The following INPP5B variants were observed in gnomAD, a reference collection of about 807,000 sequenced individuals.
INPP5B encodes inositol polyphosphate-5-phosphatase B.
INPP5B carries 90 observed loss-of-function variants against 118.5 expected under a neutral mutation model. The observed-to-expected ratio is 0.76, with a 90% CI of 0.64 to 0.90. INPP5B has a LOEUF of 0.90. Among genes scored for constraint, INPP5B ranks in the 40% least tolerant of loss-of-function variants. The pLI, the probability that INPP5B is intolerant of heterozygous loss-of-function variation, is 0.00. For synonymous variants in INPP5B, 385 were observed against 418.9 expected (o/e 0.92, Z 0.99); for missense variants, 984 against 1,125.6 (o/e 0.87, Z 1.80).
Position 37,885,676 on chromosome 1 carries a change from A to C in INPP5B, c.1281T>G (p.Pro427=). The change falls in exon 13 of 24, where the codon CCT becomes CCG. Residue 427 remains proline (P), a synonymous_variant. Transcript: ENST00000373024. ...DICSRMQFCQ[P]DPSLPPLTIS... is the part of the protein sequence containing the mutation. ...TGGTGAGAGGGGGAAGGCTTGGGTC[A>C]GGCTGACAAAACTGCATTCGAGAAC... The C allele has an allele frequency of 6.8e-6, 11 of 1,614,102 alleles. No homozygotes were observed. Among genetic ancestry groups the C allele is most frequent in the Non-Finnish European group, 9.3e-6 (11 of 1,180,018 alleles).
chr1:37,906,455 CT>C (rs1272014291), intron 7 of INPP5B, among the ~76,000 whole-genome samples: 1 of 152,194 alleles, frequency 6.6e-6, no homozygotes, highest in Non-Finnish European at 1.5e-5. Context: ...TCTTGCTGCA[CT>C]TTATACAAAT....
chr1:37,946,173 GAT>G (rs1454039384), intron 2 of INPP5B, 77 bp downstream of exon 2: 52 of 1,347,388 alleles, frequency 3.9e-5, no homozygotes, highest in Middle Eastern at 1.8e-4. Context: ...CAGGAGAGGG[GAT>G]AGACACCTCG....
At chr1:37,882,557 AT>A (rs1481142862) in intron 14 of INPP5B, among the ~76,000 whole-genome samples, 2 of 152,200 alleles carry the variant, frequency 1.3e-5, no homozygotes, top group Non-Finnish European at 2.9e-5. Flanking sequence ...GAATAAATGA[AT>A]GACAAGGTGA....
rs561395812 is a variant in INPP5B, at chr1:37,894,857, T to C, written c.533-3403A>G. 3.3e-5 allele frequency among the ~76,000 whole-genome samples: 5 copies of C among 152,322 alleles called. No individual in the cohort carries two copies. The East Asian group carries it at 7.7e-4, about 23-fold the overall frequency. On this transcript the variant is annotated intron_variant, in intron 7 of 23. Coordinates refer to ENST00000373024, the MANE Select transcript of INPP5B (RefSeq NM_005540.3). ...ATACCCGGCCCCTGTGTGCCTTATA[T>C]GTTTAAATACGTAACATCCAAGTTC... is the stretch of plus-strand genomic sequence containing the variant.
chr1:37,876,552 TAAAAAAAAAAAA>T (rs34854182), intron 16 of INPP5B, among the ~76,000 whole-genome samples: 15 of 54,590 alleles, frequency 2.7e-4, no homozygotes, highest in African/African-American at 1.3e-3. Context: ...GCTGTCTCTT[TAAAAAAAAAAAA>T]AAAAAAAAAA....
intron 6 of INPP5B, among the ~76,000 whole-genome samples, chr1:37,938,642 AG>A (rs1645795917): frequency 6.6e-6 from 1 of 152,232 alleles, no homozygotes. Context: ...ATAGCTTCAA[AG>A]CCCAGGCTCT....
At chr1:37,866,319 C>T in intron 21 of INPP5B, 140 bp downstream of exon 21, 1 of 593,620 alleles carries the variant, frequency 1.7e-6, no homozygotes, top group Non-Finnish European at 3.0e-6. Context: ...AACATGGTAG[C>T]TGAGGATACA....
rs1192235549 is a variant in INPP5B, at chr1:37,907,767, G to A, written c.533-16313C>T. ...GACAATTTACAAATGCCACGGTAAT[G>A]TCAGGAAGTTACCCTATATGGTCTA... On this transcript the variant is annotated intron_variant, in intron 7 of 23. Coordinates refer to ENST00000373024, the MANE Select transcript of INPP5B (RefSeq NM_005540.3). This position sits in a 1 kb window ranked among gnomAD's most constrained non-coding sequence, Gnocchi z 4.3. 6.6e-6 allele frequency among the ~76,000 whole-genome samples: 1 copy of A among 152,176 alleles called. No homozygotes were observed. Among genetic ancestry groups the A allele is most frequent in the African/African-American group, 2.4e-5 (1 of 41,440 alleles).
At chr1:37,905,632 T>C (rs1407538801) in intron 7 of INPP5B, among the ~76,000 whole-genome samples, 1 of 152,248 alleles carries the variant, frequency 6.6e-6, no homozygotes, top group Non-Finnish European at 1.5e-5. Context: ...CTTGTTTTAA[T>C]CCTCTTTCAA....
intron 15 of INPP5B, among the ~76,000 whole-genome samples, chr1:37,878,671 A>G (rs903170651): frequency 1.3e-5 from 2 of 151,866 alleles, no homozygotes; most frequent in African/African-American, 4.8e-5. Context: ...TTTTATAGAG[A>G]TGGAGTCTTG....
At chr1:37,925,398 G>A (rs1471522) in intron 7 of INPP5B, among the ~76,000 whole-genome samples, 61,699 of 151,786 alleles carry the variant, frequency 0.41, 14,282 homozygotes, top group African/African-American at 0.64. Flanking sequence ...CTGTTAGAGC[G>A]TAATTTATTT....
intron 7 of INPP5B, among the ~76,000 whole-genome samples, chr1:37,894,809 T>A (rs1405996204): frequency 6.6e-6 from 1 of 152,204 alleles, no homozygotes; most frequent in Non-Finnish European, 1.5e-5. Context: ...CTCCCAGTGC[T>A]GGGATTACGG....
rs759804148 is a variant in INPP5B, at chr1:37,878,266, G to A, written c.1599C>T (p.Ile533=). 2 of 1,614,154 alleles carry A rather than the reference G, an allele frequency of 1.2e-6. No homozygotes were observed. The highest frequency in any genetic ancestry group is 1.3e-5 in the African/African-American group (1 of 75,040). The change falls in exon 16 of 24, where the codon ATC becomes ATT. Residue 533 remains isoleucine (I), a synonymous_variant. Transcript: ENST00000373024. ...CDRILWKGKN[I]TQLSYQSHMA... ...TGTGGCTCTGGTAACTCAGCTGAGT[G>A]ATGTTCTTCCCTTTCCAGAGAATCC...
intron 20 of INPP5B, among the ~76,000 whole-genome samples, chr1:37,867,061 G>A (rs568853981): frequency 7.9e-5 from 12 of 152,220 alleles, no homozygotes; most frequent in Admixed American, 1.3e-4. Context: ...GTGAAACCCC[G>A]TCTTTAATAA....
Position 37,864,421 on chromosome 1 carries a change from G to T in INPP5B, c.2517C>A (p.Val839=). 6.3e-7 allele frequency: 1 copy of T among 1,577,016 alleles called. No homozygotes were observed. The change falls in exon 23 of 24, where the codon GTC becomes GTA. Residue 839 remains valine (V), a splice_region_variant and synonymous_variant. Transcript: ENST00000373024. ...CSGNYTASKQ[V]ISTLPIFHKN... is the part of the protein sequence containing the mutation. ...TGTGGAATATGGGGAGAGTAGAAAT[G>T]ACCTGAAAGAGGAAGAACCGGGATT...
chr1:37,862,526 C>T (rs2148435457), intron 23 of INPP5B, 96 bp from the exon 24 acceptor site: 1 of 781,262 alleles, frequency 1.3e-6, no homozygotes, highest in East Asian at 2.5e-5. Flanking sequence ...AGAAATGTGT[C>T]ATTAGGTGAT....
At chr1:37,916,939 C>T (rs28678708) in intron 7 of INPP5B, among the ~76,000 whole-genome samples, 89,241 of 151,298 alleles carry the variant, frequency 0.59, 28,194 homozygotes, top group Non-Finnish European at 0.71. Context: ...CCAATAGAAC[C>T]TTTTTGATGA....
chr1:37,945,875 C>G (rs769196126), intron 2 of INPP5B, 25 bp from the exon 3 acceptor site: 11 of 1,610,666 alleles, frequency 6.8e-6, no homozygotes, highest in Non-Finnish European at 7.6e-6. Context: ...CAAGGGAAGA[C>G]AACCCAGAGG....
At chr1:37,883,506 G>T in intron 13 of INPP5B, 1 of 985,398 alleles carries the variant, frequency 1.0e-6, no homozygotes, top group East Asian at 1.1e-4. Flanking sequence ...GCTAACTGAA[G>T]GCTCCCTGAT....
Sources: gnomAD v4.1 joint callset for allele counts (sites outside exome capture counted in the v4.1 genomes callset) on GRCh38, gnomAD v4.1.1 for gene constraint, Gnocchi (gnomAD v3.1) non-coding constraint, MANE v1.5 for transcripts, NCBI Gene and HGNC (gene_info 2026-07-23, HGNC 2026-07-21) for gene names.